CCDC126: variants seen among roughly 807,000 people sequenced by gnomAD.
CCDC126 encodes coiled-coil domain containing 126.
CCDC126 carries 5 observed loss-of-function variants against 11.7 expected under a neutral mutation model. That is an observed-to-expected ratio of 0.43 (90% CI 0.22 to 0.90). The LOEUF (loss-of-function observed/expected upper bound fraction) is 0.90. Among genes scored for constraint, CCDC126 ranks in the 40% least tolerant of loss-of-function variants. The probability of loss-of-function intolerance (pLI) is 0.27; values close to 1 mark genes in which losing one functional copy is unlikely to be tolerated. For synonymous variants in CCDC126, 60 were observed against 61.9 expected, an observed-to-expected ratio of 0.97 and a Z score of 0.14; for missense variants, 150 against 163.1, an observed-to-expected ratio of 0.92 and a Z score of 0.44.
rs147849922 is a variant in CCDC126, at chr7:23,642,199, A to T, written c.239-732A>T. Among the ~76,000 whole-genome samples, 1,430 of 152,014 alleles carry T rather than the reference A, an allele frequency of 9.4e-3. 23 individuals are homozygous for T. Among genetic ancestry groups the T allele is most frequent in the African/African-American group, 0.033 (1,376 of 41,476 alleles). On this transcript the variant is annotated intron_variant, in intron 3 of 3. Coordinates refer to ENST00000307471, the MANE Select transcript of CCDC126 (RefSeq NM_138771.4). The stretch of plus-strand genomic sequence containing the variant: ...GCTAATTTTTTTATATTTTTAGTAG[A>T]GACGGGGTTTCACCGTGTTAGACAG...
chr7:23,604,821 C>T (rs1053988184), intron 2 of CCDC126, among the ~76,000 whole-genome samples: 2 of 151,616 alleles, frequency 1.3e-5, no homozygotes, highest in African/African-American at 4.8e-5. Context: ...ATGGTGAAAC[C>T]CCGTCTCTAC....
intron 1 of CCDC126, 50 bp downstream of exon 1, chr7:23,597,655 C>T (rs1294446909): frequency 6.5e-6 from 1 of 152,672 alleles, no homozygotes; most frequent in Non-Finnish European, 1.5e-5. Flanking sequence ...CTCTCGCGCG[C>T]CCCTCAGCCT....
intron 3 of CCDC126, among the ~76,000 whole-genome samples, chr7:23,636,576 GTC>G (rs1320814281): frequency 2.4e-5 from 3 of 127,218 alleles, no homozygotes; most frequent in Non-Finnish European, 5.0e-5. Context: ...GGTGAGGAGC[GTC>G]TCTGCCCGGC....
intron 3 of CCDC126, chr7:23,622,792 G>A: frequency 2.1e-6 from 1 of 471,252 alleles, no homozygotes; most frequent in South Asian, 1.6e-5. Flanking sequence ...AACATTGAAT[G>A]GTTGCCAGAT....
At chr7:23,632,676 T>G (rs1171414106) in intron 3 of CCDC126, among the ~76,000 whole-genome samples, 4 of 152,204 alleles carry the variant, frequency 2.6e-5, no homozygotes, top group Admixed American at 6.5e-5. Context: ...TTCTTACAAC[T>G]CTTTGTAAAT....
intron 3 of CCDC126, among the ~76,000 whole-genome samples, chr7:23,642,459 ATGT>A (rs1347268016): frequency 1.3e-5 from 2 of 152,108 alleles, no homozygotes; most frequent in African/African-American, 2.4e-5. Context: ...TCTGTAAATG[ATGT>A]TGTTGATTTA....
intron 3 of CCDC126, among the ~76,000 whole-genome samples, chr7:23,637,760 C>T (rs1311668726): frequency 1.6e-4 from 12 of 74,546 alleles, no homozygotes; most frequent in Admixed American, 2.6e-4. Flanking sequence ...TGAGGGGCGC[C>T]TCTGCCCGGC....
At chr7:23,608,355 C>T (rs559521775) in intron 2 of CCDC126, among the ~76,000 whole-genome samples, 6 of 152,300 alleles carry the variant, frequency 3.9e-5, no homozygotes, top group Admixed American at 3.3e-4. Flanking sequence ...TTTGAAAGGC[C>T]TGGTTTCTGT....
intron 3 of CCDC126, among the ~76,000 whole-genome samples, chr7:23,627,480 T>A (rs760366517): frequency 4.6e-5 from 7 of 151,574 alleles, no homozygotes; most frequent in Non-Finnish European, 8.8e-5. Context: ...AGCACAAGAA[T>A]TGCTTGAACC....
chr7:23,620,635 A>C (rs1285146063), intron 3 of CCDC126, among the ~76,000 whole-genome samples: 1 of 151,972 alleles, frequency 6.6e-6, no homozygotes, highest in Admixed American at 6.5e-5. Flanking sequence ...TTGGTGTTTT[A>C]GACATGAAGT....
At chr7:23,627,025 A>G (rs764336550) in intron 3 of CCDC126, among the ~76,000 whole-genome samples, 15 of 152,292 alleles carry the variant, frequency 9.8e-5, no homozygotes, top group Middle Eastern at 3.4e-3. Flanking sequence ...TGCCTAGAAC[A>G]ATGAATTGGG....
At chr7:23,609,964 A>G (rs1057096302) in intron 2 of CCDC126, among the ~76,000 whole-genome samples, 5 of 152,202 alleles carry the variant, frequency 3.3e-5, no homozygotes, top group African/African-American at 7.2e-5. Flanking sequence ...CTCGAGATAC[A>G]TTTCTATCTA....
chr7:23,615,812 T>C (rs952658303), intron 3 of CCDC126, among the ~76,000 whole-genome samples: 5 of 152,242 alleles, frequency 3.3e-5, no homozygotes, highest in Admixed American at 6.5e-5. Flanking sequence ...CTGTCTTATA[T>C]AGATAGAATT....
intron 2 of CCDC126, among the ~76,000 whole-genome samples, chr7:23,601,550 T>C (rs991225360): frequency 6.6e-6 from 1 of 152,238 alleles, no homozygotes; most frequent in African/African-American, 2.4e-5. Flanking sequence ...TTCCCTGCTT[T>C]TGAAAAACAG....
intron 3 of CCDC126, among the ~76,000 whole-genome samples, chr7:23,641,126 C>G (rs1375076377): frequency 6.6e-6 from 1 of 151,810 alleles, no homozygotes; most frequent in Non-Finnish European, 1.5e-5. Flanking sequence ...ATATTCCCAC[C>G]ACTAATGTAT....
intron 3 of CCDC126, among the ~76,000 whole-genome samples, chr7:23,641,001 T>A (rs927736916): frequency 2.1e-5 from 3 of 145,584 alleles, no homozygotes; most frequent in Non-Finnish European, 4.5e-5. Context: ...GGTTTTTTTT[T>A]TTTTTTTTTT....
chr7:23,627,960 C>G (rs1453843801), intron 3 of CCDC126, among the ~76,000 whole-genome samples: 1 of 152,122 alleles, frequency 6.6e-6, no homozygotes, highest in African/African-American at 2.4e-5. Context: ...ATTGCTCTTG[C>G]ACACAAATCC....
chr7:23,625,362 A>G (rs1782995119), intron 3 of CCDC126, among the ~76,000 whole-genome samples: 1 of 152,170 alleles, frequency 6.6e-6, no homozygotes, highest in Non-Finnish European at 1.5e-5. Context: ...AATTTAATAG[A>G]CATTTGTCAG....
chr7:23,612,222 C>T (rs1782723715), intron 3 of CCDC126, among the ~76,000 whole-genome samples: 1 of 150,712 alleles, frequency 6.6e-6, no homozygotes, highest in Non-Finnish European at 1.5e-5. Context: ...TTTGGGGGGC[C>T]AAGGTGGGAA....
Sources: allele counts gnomAD v4.1 joint callset (sites outside exome capture counted in the v4.1 genomes callset), GRCh38; gene constraint gnomAD v4.1.1; transcripts MANE v1.5; gene names NCBI Gene and HGNC (gene_info 2026-07-23, HGNC 2026-07-21).